CPXM2: variants seen among roughly 807,000 people sequenced by gnomAD.
The protein encoded by CPXM2 is inactive carboxypeptidase-like protein X2.
Under a neutral mutation model 86.1 loss-of-function variants are expected in CPXM2, and 66 were observed. The ratio of observed to expected loss-of-function variants is 0.77; its 90% CI spans 0.63 to 0.94. The LOEUF is 0.94. Among genes scored for constraint, CPXM2 ranks in the 40% least tolerant of loss-of-function variants. The pLI, the probability that CPXM2 is intolerant of heterozygous loss-of-function variation, is 0.00. For synonymous variants in CPXM2, 388 were observed against 400.2 expected, an observed-to-expected ratio of 0.97 and a Z score of 0.36; for missense variants, 948 against 1,026.3, an observed-to-expected ratio of 0.92 and a Z score of 1.04.
intron 3 of CPXM2, among the ~76,000 whole-genome samples, chr10:123,859,727 G>T (rs1353517109): frequency 6.6e-6 from 1 of 152,214 alleles, no homozygotes; most frequent in Non-Finnish European, 1.5e-5. Context: ...GCACTGATGT[G>T]ATCCCCATGC....
At chr10:123,940,846 C>T (rs984655175), upstream of CPXM2, among the ~76,000 whole-genome samples, 1 of 152,150 alleles carries the variant, frequency 6.6e-6, no homozygotes, top group Admixed American at 6.5e-5. Context: ...CTAGTGCTGC[C>T]GTCCAAAAGT....
intron 6 of CPXM2, among the ~76,000 whole-genome samples, chr10:123,792,207 A>G (rs1048018396): frequency 2.3e-4 from 35 of 152,340 alleles, no homozygotes; most frequent in African/African-American, 6.7e-4. Flanking sequence ...TGAGGCAGCC[A>G]CAGAACAAAA....
chr10:123,748,651 G>A (rs542643180), intron 13 of CPXM2, among the ~76,000 whole-genome samples: 2 of 152,238 alleles, frequency 1.3e-5, no homozygotes, highest in Non-Finnish European at 2.9e-5. Context: ...ACTTCTTGGC[G>A]CTGTGTGCTG....
At chr10:123,815,056 C>T (rs1370943530) in intron 4 of CPXM2, among the ~76,000 whole-genome samples, 3 of 152,112 alleles carry the variant, frequency 2.0e-5, no homozygotes, top group South Asian at 2.1e-4. Context: ...AAAATAAATA[C>T]ATTTGACACT....
chr10:123,939,633 C>G (rs932003061), intron 1 of CPXM2: 1 of 152,244 alleles, frequency 6.6e-6, no homozygotes, highest in African/African-American at 2.4e-5. Flanking sequence ...AGCGGGGTGT[C>G]TGGTGCAGAA....
intron 10 of CPXM2, among the ~76,000 whole-genome samples, chr10:123,763,540 T>C (rs1294770744): frequency 2.0e-5 from 3 of 151,804 alleles, no homozygotes; most frequent in Non-Finnish European, 2.9e-5. Flanking sequence ...TTTACTTGCT[T>C]TTGATCTAAA....
chr10:123,888,112 G>A (rs779581408), intron 1 of CPXM2, among the ~76,000 whole-genome samples: 6 of 152,142 alleles, frequency 3.9e-5, no homozygotes, highest in African/African-American at 7.2e-5. Context: ...CCCACATCAA[G>A]ATCAAATCCC....
chr10:123,766,082 G>C (rs554863312), intron 10 of CPXM2, among the ~76,000 whole-genome samples: 21 of 152,208 alleles, frequency 1.4e-4, no homozygotes, highest in Non-Finnish European at 2.5e-4. Context: ...AATTACCTGA[G>C]AGAAAACTTT....
At chr10:123,811,687 T>C (rs936377182) in intron 4 of CPXM2, among the ~76,000 whole-genome samples, 1 of 152,198 alleles carries the variant, frequency 6.6e-6, no homozygotes, top group Non-Finnish European at 1.5e-5. Flanking sequence ...TGAGCATATT[T>C]AGCTGACAAT....
At chr10:123,841,336 T>A (rs563705378) in intron 4 of CPXM2, among the ~76,000 whole-genome samples, 3 of 152,234 alleles carry the variant, frequency 2.0e-5, no homozygotes, top group Non-Finnish European at 4.4e-5. Context: ...ATTTTGTTCA[T>A]GTATTTTTGC....
intron 2 of CPXM2, among the ~76,000 whole-genome samples, chr10:123,938,586 G>A (rs568751986): frequency 1.3e-4 from 20 of 152,302 alleles, no homozygotes; most frequent in African/African-American, 4.6e-4. Context: ...GTGACCTCCT[G>A]GAGCTGCAAG....
At chr10:123,759,921 C>T (rs1378221639) in intron 11 of CPXM2, among the ~76,000 whole-genome samples, 1 of 151,936 alleles carries the variant, frequency 6.6e-6, no homozygotes, top group Non-Finnish European at 1.5e-5. Flanking sequence ...TAGTGCCTGG[C>T]AGGGCACAGC....
intron 6 of CPXM2, among the ~76,000 whole-genome samples, chr10:123,786,110 C>A (rs113495562): frequency 5.9e-5 from 9 of 152,332 alleles, no homozygotes; most frequent in African/African-American, 1.9e-4. Flanking sequence ...CTACATTTGG[C>A]CAATGCCCAC....
At chr10:123,908,662 G>A (rs1945464199) in intron 2 of CPXM2, among the ~76,000 whole-genome samples, 1 of 152,146 alleles carries the variant, frequency 6.6e-6, no homozygotes, top group South Asian at 2.1e-4. Context: ...GCTGCACAGG[G>A]ACCAGACAAC....
chr10:123,919,623 A>G (rs1292889412), intron 2 of CPXM2, among the ~76,000 whole-genome samples: 1 of 152,246 alleles, frequency 6.6e-6, no homozygotes, highest in African/African-American at 2.4e-5. Flanking sequence ...ATTTTTTTGA[A>G]AGTCCCTAGA....
Position 123,754,876 on chromosome 10 carries a change from C to A in CPXM2, c.1918-114G>T. ...GGCCGGTTCCCACCAAGAACTCACA[C>A]AGCACCACGTCTTGCTCAGAAGGCT... On this transcript the variant is annotated intron_variant, in intron 12 of 13. Coordinates refer to ENST00000241305, the MANE Select transcript of CPXM2 (RefSeq NM_198148.3). The surrounding 1 kb of genome is among the most constrained non-coding windows in gnomAD (Gnocchi z 4.0). 1 of 704,474 alleles carries A rather than the reference C, an allele frequency of 1.4e-6. No homozygotes were observed. 43.6% of individuals were successfully genotyped at this position (704,474 alleles called of 1,614,324 possible). A position where few individuals can be genotyped will look rare whatever the true frequency, so the allele number is the denominator to read the frequency against.
intron 4 of CPXM2, among the ~76,000 whole-genome samples, chr10:123,806,046 A>C (rs141640031): frequency 0.019 from 2,910 of 152,290 alleles, 91 homozygotes; most frequent in African/African-American, 0.063. Context: ...AATGATTATA[A>C]ACCTACTCAT....
At chr10:123,887,842 G>A (rs1056356813) in intron 1 of CPXM2, among the ~76,000 whole-genome samples, 1 of 152,130 alleles carries the variant, frequency 6.6e-6, no homozygotes, top group East Asian at 1.9e-4. Flanking sequence ...TGGGGCCTCA[G>A]TGTACTATTT....
intron 4 of CPXM2, among the ~76,000 whole-genome samples, chr10:123,821,894 A>T (rs1472934994): frequency 6.6e-6 from 1 of 152,222 alleles, no homozygotes; most frequent in Non-Finnish European, 1.5e-5. Context: ...ATTTGCTCAA[A>T]ACTGTTGAGG....
Sources: gnomAD v4.1 joint callset for allele counts (sites outside exome capture counted in the v4.1 genomes callset) on GRCh38, gnomAD v4.1.1 for gene constraint, Gnocchi (gnomAD v3.1) non-coding constraint, MANE v1.5 for transcripts, NCBI Gene and HGNC (gene_info 2026-07-23, HGNC 2026-07-21) for gene names.